Variants in CLEC1B observed in about 807,000 individuals in gnomAD.
CLEC1B encodes the protein C-type lectin domain family 1 member B.
A neutral mutation model predicts 26.7 loss-of-function variants in CLEC1B; 26 were observed. The ratio of observed to expected loss-of-function variants is 0.97; its 90% CI spans 0.71 to 1.35. CLEC1B has a LOEUF of 1.35. Ranked by LOEUF, CLEC1B falls within the 40% of genes most tolerant of loss-of-function variation. The pLI is 0.00. For synonymous variants in CLEC1B, 112 were observed against 96.0 expected, an observed-to-expected ratio of 1.17 and a Z score of -0.97; for missense variants, 293 against 282.6, an observed-to-expected ratio of 1.04 and a Z score of -0.26.
chr12:9,995,350 C>A, intron 4 of CLEC1B, 104 bp from the exon 5 acceptor site: 1 of 896,158 alleles, frequency 1.1e-6, no homozygotes, highest in Admixed American at 1.7e-5. Context: ...TGTTGGATTA[C>A]ATGTCTATAT....
At chr12:9,996,802 T>G in intron 4 of CLEC1B, 44 bp downstream of exon 4, 1 of 1,607,074 alleles carries the variant, frequency 6.2e-7, no homozygotes, top group African/African-American at 1.3e-5. Flanking sequence ...ATTTGAGGTT[T>G]CTCTTCCTTG....
At position 9,997,237 on chromosome 12, in the gene CLEC1B, C is replaced by T. The variant is rs771729842; in HGVS notation, c.206G>A (p.Arg69His). Residue 69 changes from arginine to histidine, a missense_variant, in exon 3 of 6, where the codon CGC (arginine) becomes CAC (histidine). Arg to His is a conservative substitution (Grantham distance 29). Transcript: ENST00000298527. ...RNYLQGENEN[R>H]TGTLQQLAKR... ...TGCTAATTGTTGCAGAGTTCCTGTG[C>T]GATTTTCATTCTCACCTTGTAGGTA... 2 of 1,613,292 alleles carry T rather than the reference C, an allele frequency of 1.2e-6. No individual in the cohort carries two copies. Among genetic ancestry groups the T allele is most frequent in the Non-Finnish European group, 1.7e-6 (2 of 1,179,438 alleles).
upstream of CLEC1B, among the ~76,000 whole-genome samples, chr12:10,001,730 A>T (rs575525993): frequency 1.3e-5 from 2 of 152,248 alleles, no homozygotes; most frequent in East Asian, 3.9e-4. Context: ...CCTTTTCCCA[A>T]ATCCAGAGTC....
intron 5 of CLEC1B, 133 bp from the exon 6 acceptor site, chr12:9,993,420 A>AGAATCGTTGTTTTTTT: frequency 2.8e-6 from 2 of 704,712 alleles, no homozygotes; most frequent in Non-Finnish European, 4.8e-6. Flanking sequence ...AAAAAAAACG[A>AGAATCGTTGTTTTTTT]TTCTCATTGT....
intron 4 of CLEC1B, chr12:9,995,619 T>C (rs534830377): frequency 1.9e-5 from 6 of 312,910 alleles, no homozygotes; most frequent in African/African-American, 8.8e-5. Context: ...ATGAGCTGTA[T>C]ATTCCTTAGA....
upstream of CLEC1B, among the ~76,000 whole-genome samples, chr12:10,001,796 C>T (rs979872485): frequency 1.3e-5 from 2 of 152,076 alleles, no homozygotes; most frequent in African/African-American, 4.8e-5. Flanking sequence ...TATTTTATTT[C>T]TGCTTCAATA....
At chr12:9,995,115 C>G in intron 5 of CLEC1B, 25 bp downstream of exon 5, 1 of 1,608,042 alleles carries the variant, frequency 6.2e-7, no homozygotes, top group Non-Finnish European at 8.5e-7. Context: ...GTACTCCCTC[C>G]TATTCTAAGT....
intron 1 of CLEC1B, among the ~76,000 whole-genome samples, chr12:9,998,806 T>C (rs7980924): frequency 0.43 from 66,078 of 151,930 alleles, 14,661 homozygotes; most frequent in Non-Finnish European, 0.45. Context: ...TGCCCTCGAG[T>C]ATTAAACGCT....
intron 4 of CLEC1B, among the ~76,000 whole-genome samples, chr12:9,996,027 A>G (rs1865037264): frequency 6.6e-6 from 1 of 152,210 alleles, no homozygotes; most frequent in Admixed American, 6.5e-5. Context: ...CCAAATGCTT[A>G]TATATTCTGA....
At chr12:9,995,540 A>G in intron 4 of CLEC1B, 1 of 372,096 alleles carries the variant, frequency 2.7e-6, no homozygotes, top group Non-Finnish European at 5.2e-6. Flanking sequence ...ACTCCCAAAT[A>G]GAATACCAAA....
intron 2 of CLEC1B, among the ~76,000 whole-genome samples, 157 bp from the exon 3 acceptor site, chr12:9,997,436 A>C (rs1865081618): frequency 6.6e-6 from 1 of 152,218 alleles, no homozygotes; most frequent in African/African-American, 2.4e-5. Context: ...TGGAGGGGCT[A>C]TAAAGAACAA....
In CLEC1B at chr12:9,997,253, C is replaced by A; in HGVS notation, c.190G>T (p.Gly64Cys). Reference sequence around the variant, plus strand: ...GTTCCTGTGCGATTTTCATTCTCACCTTGTAGGTAATTGCGCTGCATGACA... The same window carrying A: ...GTTCCTGTGCGATTTTCATTCTCACATTGTAGGTAATTGCGCTGCATGACA... ...WSVMQRNYLQGENENRTGTLQ... is the reference protein window; with the variant it reads ...WSVMQRNYLQCENENRTGTLQ... Residue 64 changes from glycine (G) to cysteine (C), a missense_variant, in exon 3 of 6, where the codon GGT becomes TGT. Physicochemically the swap from Gly to Cys is radical, Grantham distance 159. Coordinates refer to ENST00000298527, the MANE Select transcript of CLEC1B (RefSeq NM_016509.4). 1 of 1,612,502 alleles carries A rather than the reference C, an allele frequency of 6.2e-7. No homozygotes were observed. The highest frequency in any genetic ancestry group is 8.5e-7 in the Non-Finnish European group (1 of 1,178,828).
At chr12:10,001,628 C>A (rs938621685), upstream of CLEC1B, among the ~76,000 whole-genome samples, 1 of 152,184 alleles carries the variant, frequency 6.6e-6, no homozygotes, top group African/African-American at 2.4e-5. Flanking sequence ...TTTGCTCCCT[C>A]CCCACATTCT....
intron 5 of CLEC1B, 57 bp from the exon 6 acceptor site, chr12:9,993,344 C>G (rs769808294): frequency 7.0e-7 from 1 of 1,436,062 alleles, no homozygotes; most frequent in Admixed American, 1.7e-5. Context: ...AATCAGTAAT[C>G]AGACTCTGCG....
Position 9,993,121 on chromosome 12 carries a change from T to C in CLEC1B, c.*22A>G. 6.2e-7 allele frequency: 1 copy of C among 1,600,352 alleles called. No individual in the cohort carries two copies. The highest frequency in any genetic ancestry group is 8.5e-7 in the Non-Finnish European group (1 of 1,170,186). Reference sequence around the variant, plus strand: ...TTGTACAATAAAGCCCTTATCTGTGTTATCCTGTCCACCTCTTTGCATTAA... The same window carrying C: ...TTGTACAATAAAGCCCTTATCTGTGCTATCCTGTCCACCTCTTTGCATTAA... On this transcript the variant is annotated 3_prime_UTR_variant, in exon 6 of 6. Transcript: ENST00000298527.
rs527488423 is a variant in CLEC1B, at chr12:9,994,384, T to C, written c.545+756A>G. 3.9e-5 allele frequency among the ~76,000 whole-genome samples: 6 copies of C among 152,298 alleles called. No individual in the cohort carries two copies. In the South Asian group the frequency reaches 1.2e-3, roughly 32 times the overall value. ...TTGTAGTATCCTAAGATCCTATCTA[T>C]AGTAAATACTTAATAAATATTTGTT... On this transcript the variant is annotated intron_variant, in intron 5 of 5. Transcript: ENST00000298527.
intron 4 of CLEC1B, 96 bp downstream of exon 4, chr12:9,996,750 T>A: frequency 1.6e-6 from 2 of 1,242,006 alleles, no homozygotes; most frequent in Non-Finnish European, 2.4e-6. Flanking sequence ...AACTGAAAGA[T>A]GTTAAGAAAA....
intron 3 of CLEC1B, 33 bp downstream of exon 3, chr12:9,997,127 G>A (rs1156495626): frequency 3.1e-6 from 5 of 1,612,776 alleles, no homozygotes; most frequent in Non-Finnish European, 4.2e-6. Flanking sequence ...CCAGGGGTTG[G>A]AGAGATGAAG....
intron 5 of CLEC1B, among the ~76,000 whole-genome samples, chr12:9,994,180 T>C (rs1183386095): frequency 6.6e-6 from 1 of 152,038 alleles, no homozygotes; most frequent in Admixed American, 6.6e-5. Context: ...GTCATGGAGT[T>C]GTGGAGGCAG....
Sources: gnomAD v4.1 joint callset for allele counts (sites outside exome capture counted in the v4.1 genomes callset) on GRCh38, gnomAD v4.1.1 for gene constraint, MANE v1.5 for transcripts, NCBI Gene and HGNC (gene_info 2026-07-23, HGNC 2026-07-21) for gene names.